The following SLC25A48 variants were observed in gnomAD, a reference collection of about 807,000 sequenced individuals.
SLC25A48 encodes the protein solute carrier family 25 member 48, also known as CTC-321K16.1.
In SLC25A48, 29 loss-of-function variants were observed where a neutral mutation model predicts 32.2. The ratio of observed to expected loss-of-function variants is 0.90; its 90% CI spans 0.67 to 1.23. The LOEUF (loss-of-function observed/expected upper bound fraction) is 1.23. Among genes scored for constraint, SLC25A48 ranks in the 50% most tolerant of loss-of-function variants. The probability of loss-of-function intolerance (pLI) is 0.00; values close to 1 mark genes in which losing one functional copy is unlikely to be tolerated. For missense variants in SLC25A48, 399 were observed against 422.7 expected (o/e 0.94, Z 0.49); for synonymous variants, 164 against 172.3 (o/e 0.95, Z 0.38).
At chr5:135,664,948 G>A (rs1370681738) in intron 3 of SLC25A48, among the ~76,000 whole-genome samples, 1 of 152,160 alleles carries the variant, frequency 6.6e-6, no homozygotes, top group African/African-American at 2.4e-5. Context: ...CCAGCAGTGG[G>A]ATTGCTGGAT....
intron 3 of SLC25A48, among the ~76,000 whole-genome samples, chr5:135,655,475 C>T (rs977581667): frequency 3.3e-5 from 5 of 152,174 alleles, no homozygotes; most frequent in African/African-American, 7.2e-5. Flanking sequence ...TTTTGTCTAT[C>T]GCGTCTAATT....
At position 135,856,176 on chromosome 5, in the gene SLC25A48, G is replaced by A. The variant is rs191381253; in HGVS notation, c.421+3355G>A. Among the ~76,000 whole-genome samples the A allele has an allele frequency of 3.3e-5, 5 of 152,264 alleles. No individual in the cohort carries two copies. The East Asian group carries it at 9.7e-4, about 29-fold the overall frequency. On this transcript the variant is annotated intron_variant, in intron 4 of 7. Coordinates refer to ENST00000681962, the MANE Select transcript of SLC25A48 (RefSeq NM_001349336.2). ...TCCCTGTCTCCTCAGGTTAGATACT[G>A]CCCTTCCTGAGGCTCATGCTCCTTT...
intron 3 of SLC25A48, among the ~76,000 whole-genome samples, chr5:135,660,299 T>A (rs2126933864): frequency 6.6e-6 from 1 of 152,328 alleles, no homozygotes; most frequent in East Asian, 1.9e-4. Context: ...ACAATCAAGA[T>A]GCAGTGAGTT....
intron 1 of SLC25A48, among the ~76,000 whole-genome samples, chr5:135,613,824 T>C (rs1397405792): frequency 6.6e-6 from 1 of 152,256 alleles, no homozygotes; most frequent in Non-Finnish European, 1.5e-5. Context: ...ACCAACCCCA[T>C]GCTATTTTGG....
intron 3 of SLC25A48, among the ~76,000 whole-genome samples, chr5:135,692,493 G>A (rs1754170741): frequency 6.6e-6 from 1 of 152,142 alleles, no homozygotes. Flanking sequence ...TCTGCATCAT[G>A]CAGGTGGAAA....
chr5:135,813,008 C>G (rs918977934), intron 4 of SLC25A48: 1 of 152,278 alleles, frequency 6.6e-6, no homozygotes, highest in African/African-American at 2.4e-5. Context: ...GCCCCAAGCC[C>G]CGTAAAACTC....
chr5:135,829,274 G>A (rs1285608454), intron 4 of SLC25A48, among the ~76,000 whole-genome samples: 2 of 152,068 alleles, frequency 1.3e-5, no homozygotes, highest in African/African-American at 4.8e-5. Flanking sequence ...CACGCAGCAG[G>A]GTCTCCTCCT....
chr5:135,581,446 A>C (rs1449603453), intron 1 of SLC25A48, among the ~76,000 whole-genome samples: 1 of 152,284 alleles, frequency 6.6e-6, no homozygotes, highest in African/African-American at 2.4e-5. Flanking sequence ...GCTTTCCAAA[A>C]AAATATATTT....
chr5:135,760,442 C>G (rs1251389410), intron 3 of SLC25A48, among the ~76,000 whole-genome samples: 1 of 152,118 alleles, frequency 6.6e-6, no homozygotes, highest in African/African-American at 2.4e-5. Flanking sequence ...CCCCAAGATT[C>G]CCCCAAACTG....
chr5:135,631,233 A>C (rs1365709094), intron 2 of SLC25A48, among the ~76,000 whole-genome samples: 1 of 152,220 alleles, frequency 6.6e-6, no homozygotes, highest in African/African-American at 2.4e-5. Flanking sequence ...AGAGAATGGA[A>C]AATGAGAAAA....
intron 3 of SLC25A48, among the ~76,000 whole-genome samples, chr5:135,801,865 G>A (rs909436703): frequency 6.6e-6 from 1 of 151,696 alleles, no homozygotes; most frequent in African/African-American, 2.4e-5. Flanking sequence ...GGGCGGGGAT[G>A]ATATTACTCG....
At chr5:135,882,736 C>T (rs1267184841) in intron 7 of SLC25A48, among the ~76,000 whole-genome samples, 1 of 152,178 alleles carries the variant, frequency 6.6e-6, no homozygotes, top group African/African-American at 2.4e-5. Flanking sequence ...TCCAACTCTG[C>T]CATCCCTACC....
chr5:135,590,803 G>A (rs1174966746), intron 1 of SLC25A48, among the ~76,000 whole-genome samples: 6 of 152,236 alleles, frequency 3.9e-5, no homozygotes, highest in African/African-American at 1.4e-4. Context: ...ATGGCTCTCA[G>A]GCAGGGCAGC....
chr5:135,873,163 G>T (rs1242781874), intron 5 of SLC25A48, among the ~76,000 whole-genome samples: 1 of 152,202 alleles, frequency 6.6e-6, no homozygotes, highest in Non-Finnish European at 1.5e-5. Flanking sequence ...AAGGGCAGGA[G>T]GCTGAGGGGA....
intron 4 of SLC25A48, among the ~76,000 whole-genome samples, chr5:135,865,232 T>G (rs549930269): frequency 3.3e-5 from 5 of 152,172 alleles, no homozygotes; most frequent in Non-Finnish European, 7.3e-5. Context: ...CCAGGGCTCT[T>G]TCTATGAAAG....
chr5:135,702,705 C>T lies in SLC25A48; in HGVS notation c.-521+67749C>T, dbSNP rs868173539. 7.9e-5 allele frequency among the ~76,000 whole-genome samples: 12 copies of T among 152,362 alleles called. No individual in the cohort carries two copies. The South Asian group carries it at 1.0e-3, about 13-fold the overall frequency. ...CCTGGAGATTTTCAATGCCCAGCCA[C>T]ATAGGAAAGGCTCTGAGAAGTACCA... On this transcript the variant is annotated intron_variant, in intron 3 of 10. Coordinates refer to the SLC25A48 transcript ENST00000646290.
At chr5:135,613,641 T>C (rs1307080661) in intron 1 of SLC25A48, among the ~76,000 whole-genome samples, 1 of 152,214 alleles carries the variant, frequency 6.6e-6, no homozygotes, top group Non-Finnish European at 1.5e-5. Context: ...CTTCTGAATA[T>C]CCAGTCTATG....
intron 3 of SLC25A48, among the ~76,000 whole-genome samples, chr5:135,644,613 G>A (rs905917785): frequency 6.6e-6 from 1 of 152,110 alleles, no homozygotes; most frequent in African/African-American, 2.4e-5. Flanking sequence ...GAAAACTGAA[G>A]CTCGGAGAGG....
At chr5:135,844,674 T>A (rs1759268976) in intron 2 of SLC25A48, among the ~76,000 whole-genome samples, 1 of 152,230 alleles carries the variant, frequency 6.6e-6, no homozygotes, top group South Asian at 2.1e-4. Flanking sequence ...TTTATCAACA[T>A]CATTCGATAT....
Sources: allele counts gnomAD v4.1 joint callset (sites outside exome capture counted in the v4.1 genomes callset), GRCh38; gene constraint gnomAD v4.1.1; transcripts MANE v1.5; gene names NCBI Gene and HGNC (gene_info 2026-07-23, HGNC 2026-07-21).